Variants in MYO7A observed in about 807,000 individuals in gnomAD.
MYO7A encodes myosin VIIA.
In MYO7A, 210 loss-of-function variants were observed where a neutral mutation model predicts 263.8. The observed-to-expected ratio is 0.80, with a 90% confidence interval of 0.71 to 0.89. MYO7A has a LOEUF of 0.89. Ranked by LOEUF, MYO7A falls within the 40% of genes least tolerant of loss-of-function variation. The pLI is 0.00. For synonymous variants in MYO7A, 1,239 were observed against 1,197.3 expected (o/e 1.03, Z -0.72); for missense variants, 2,820 against 2,968.3 (o/e 0.95, Z 1.16).
intron 5 of MYO7A, among the ~76,000 whole-genome samples, chr11:77,156,419 A>C (rs1435349397): frequency 6.6e-6 from 1 of 152,218 alleles, no homozygotes; most frequent in Non-Finnish European, 1.5e-5. Context: ...TTGACTGAGC[A>C]TCTAATATGT....
At chr11:77,155,507 C>A (rs1952367219) in intron 4 of MYO7A, among the ~76,000 whole-genome samples, 1 of 152,228 alleles carries the variant, frequency 6.6e-6, no homozygotes, top group Admixed American at 6.5e-5. Context: ...TAATTTCGCT[C>A]TAAAAGTTTG....
Position 77,193,107 on chromosome 11 carries a change from C to T in MYO7A, c.4152+829C>T, listed in dbSNP as rs71466399. Among the ~76,000 whole-genome samples, 74 of 45,020 alleles carry T rather than the reference C, an allele frequency of 1.6e-3. 11 individuals carry two copies. The highest frequency in any genetic ancestry group is 3.4e-3 in the African/African-American group (30 of 8,710). The allele number at this position is 45,020 out of a possible 152,430, so 29.5% of individuals were successfully genotyped here. A position where few individuals can be genotyped will look rare whatever the true frequency, so the allele number is the denominator to read the frequency against. ...GTTTGTGATGGTGGAGGTAGTGATG[C>T]TGTTGGTGATGGTGGAGGTAGCGAT... On this transcript the variant is annotated intron_variant, in intron 31 of 48. Coordinates refer to ENST00000409709, the MANE Select transcript of MYO7A (RefSeq NM_000260.4).
In MYO7A at chr11:77,161,006, G is replaced by C; in HGVS notation, c.1234G>C (p.Asp412His). 6.2e-7 allele frequency: 1 copy of C among 1,612,202 alleles called. No individual in the cohort carries two copies. The highest frequency in any genetic ancestry group is 8.5e-7 in the Non-Finnish European group (1 of 1,179,268). Residue 412 changes from aspartate (D) to histidine (H), a missense_variant, in exon 12 of 49, where the codon GAC (aspartate) becomes CAC (histidine). Transcript: ENST00000409709. Reference protein sequence around the residue: ...IYGRLFVWIVDKINAAIYKPP... With the variant: ...IYGRLFVWIVHKINAAIYKPP... ...CGGGCGGCTGTTCGTGTGGATTGTG[G>C]ACAAGATCAACGCAGCAATTTACAA...
chr11:77,175,057 G>A, intron 17 of MYO7A, 143 bp downstream of exon 17: 1 of 1,037,792 alleles, frequency 9.6e-7, no homozygotes, highest in Non-Finnish European at 1.4e-6. Flanking sequence ...TGGGGTTCAG[G>A]TATTGGAATG....
In MYO7A at chr11:77,211,134, C is replaced by G; in HGVS notation, c.6052-18C>G. Reference sequence around the variant, plus strand: ...TGCCAGGTCCCTGCACGCCTGTGACCTGCTCTGTCTCTGACAGGAGTTGCC... The same window carrying G: ...TGCCAGGTCCCTGCACGCCTGTGACGTGCTCTGTCTCTGACAGGAGTTGCC... On this transcript the variant is annotated intron_variant, in intron 44 of 48. Coordinates refer to ENST00000409709, the MANE Select transcript of MYO7A (RefSeq NM_000260.4). The G allele has an allele frequency of 1.3e-6, 2 of 1,550,214 alleles. No homozygotes were observed. The highest frequency in any genetic ancestry group is 8.7e-7 in the Non-Finnish European group (1 of 1,143,762).
chr11:77,174,660 C>G lies in MYO7A; in HGVS notation c.1936-96C>G, dbSNP rs576647229. The G allele has an allele frequency of 1.1e-4, 144 of 1,355,062 alleles. 3 individuals carry two copies. The Middle Eastern group carries it at 2.0e-3, about 19-fold the overall frequency. 83.9% of individuals were successfully genotyped at this position (1,355,062 alleles called of 1,614,324 possible). On this transcript the variant is annotated intron_variant, in intron 16 of 48. Transcript: ENST00000409709. ...CTCCTCCCATGCCGTGTGGACTTGGCCTTTCTGAGCCTTTGTCTGGGTTGG... is the reference window on the plus strand; with the variant it reads ...CTCCTCCCATGCCGTGTGGACTTGGGCTTTCTGAGCCTTTGTCTGGGTTGG...
intron 9 of MYO7A, 48 bp downstream of exon 9, chr11:77,158,478 G>A (rs782051279): frequency 2.0e-5 from 32 of 1,580,442 alleles, no homozygotes; most frequent in Middle Eastern, 1.7e-4. Flanking sequence ...GCCAAGGGCA[G>A]TGCAGTGCCT....
Position 77,211,346 on chromosome 11 carries a change from G to A in MYO7A, c.6237+9G>A, listed in dbSNP as rs113335302. 3.3e-5 allele frequency: 52 copies of A among 1,570,878 alleles called. 1 individual carries two copies. The African/African-American group carries it at 4.2e-4, about 13-fold the overall frequency. ...CTGATGACTGGAAGCGGGTGAGCAT[G>A]GGGTGGGCATCGGGAATGGTGGGGC... On this transcript the variant is annotated intron_variant, in intron 45 of 48. Transcript: ENST00000409709.
chr11:77,148,251 T>C lies in MYO7A; in HGVS notation c.285+301T>C, dbSNP rs182297083. Among the ~76,000 whole-genome samples, 854 of 152,214 alleles carry C rather than the reference T, an allele frequency of 5.6e-3. 11 individuals are homozygous for C. Among genetic ancestry groups the C allele is most frequent in the African/African-American group, 0.018 (765 of 41,540 alleles). The stretch of plus-strand genomic sequence containing the variant: ...CCTTGAAACCAATGGGAGGCCAGGG[T>C]GGAGTCAGTGAGCGGCTTGGTGCTT... On this transcript the variant is annotated intron_variant, in intron 4 of 48. Transcript: ENST00000409709.
intron 18 of MYO7A, among the ~76,000 whole-genome samples, chr11:77,176,042 G>A (rs561699082): frequency 5.9e-5 from 9 of 152,318 alleles, no homozygotes; most frequent in Non-Finnish European, 8.8e-5. Flanking sequence ...CAGGGCAGCC[G>A]CAGCAGGGAC....
intron 19 of MYO7A, 31 bp from the exon 20 acceptor site, chr11:77,179,014 C>A (rs781846225): frequency 6.4e-7 from 1 of 1,560,638 alleles, no homozygotes; most frequent in Non-Finnish European, 8.7e-7. Flanking sequence ...CCTCTGGACA[C>A]TGCTCACCCG....
chr11:77,151,689 A>C (rs188336207), intron 4 of MYO7A, among the ~76,000 whole-genome samples: 1 of 152,360 alleles, frequency 6.6e-6, no homozygotes, highest in East Asian at 1.9e-4. Flanking sequence ...TGTGCTGGGC[A>C]TTAATTCTCT....
intron 27 of MYO7A, among the ~76,000 whole-genome samples, chr11:77,188,907 G>T (rs1456971930): frequency 6.6e-6 from 1 of 152,150 alleles, no homozygotes; most frequent in Admixed American, 6.5e-5. Context: ...TTTGTCCGTT[G>T]CCATGGGTAG....
intron 31 of MYO7A, among the ~76,000 whole-genome samples, chr11:77,192,915 GGGTAGTGATGGT>G (rs1691729653): frequency 1.7e-4 from 1 of 5,784 alleles, no homozygotes. Context: ...TGATGGTGGA[GGGTAGTGATGGT>G]GTTGTTTGTG....
intron 18 of MYO7A, among the ~76,000 whole-genome samples, chr11:77,176,004 T>C (rs1433432079): frequency 1.3e-5 from 2 of 152,152 alleles, no homozygotes; most frequent in South Asian, 2.1e-4. Flanking sequence ...GTCACAGCCT[T>C]GGAGACATGG....
intron 27 of MYO7A, among the ~76,000 whole-genome samples, chr11:77,187,299 A>T (rs1555088994): frequency 6.6e-6 from 1 of 152,212 alleles, no homozygotes; most frequent in Non-Finnish European, 1.5e-5. Flanking sequence ...GAGTCGTCAT[A>T]AACCAATTTG....
chr11:77,159,622 A>G, intron 10 of MYO7A, 99 bp downstream of exon 10: 2 of 1,231,258 alleles, frequency 1.6e-6, no homozygotes, highest in Admixed American at 3.6e-5. Context: ...CATTGCTGGG[A>G]CCCTCTGGTT....
At position 77,172,728 on chromosome 11, in the gene MYO7A, G is replaced by C. The variant is rs372082984; in HGVS notation, c.1798-20G>C. ...TGGGGCAGGCACAGCCCCTCCCATC[G>C]CTGCCGTCCGTCCCCCCAGGGCGCC... is the stretch of plus-strand genomic sequence containing the variant. On this transcript the variant is annotated intron_variant, in intron 15 of 48. Transcript: ENST00000409709. 6.5e-7 allele frequency: 1 copy of C among 1,549,236 alleles called. No homozygotes were observed. Among genetic ancestry groups the C allele is most frequent in the Admixed American group, 2.0e-5 (1 of 51,174 alleles).
At chr11:77,188,081 G>A (rs1028596176) in intron 27 of MYO7A, among the ~76,000 whole-genome samples, 1 of 152,184 alleles carries the variant, frequency 6.6e-6, no homozygotes, top group African/African-American at 2.4e-5. Context: ...GAAACACGGT[G>A]CCAGGAGCCC....
Sources: gnomAD v4.1 joint callset for allele counts (sites outside exome capture counted in the v4.1 genomes callset) on GRCh38, gnomAD v4.1.1 for gene constraint, MANE v1.5 for transcripts, NCBI Gene and HGNC (gene_info 2026-07-23, HGNC 2026-07-21) for gene names.